PIK3C2G: variants seen among roughly 807,000 people sequenced by gnomAD.
PIK3C2G encodes phosphatidylinositol 3-kinase C2 domain-containing subunit gamma.
A neutral mutation model predicts 181.1 loss-of-function variants in PIK3C2G; 168 were observed. The observed-to-expected ratio is 0.93, with a 90% CI of 0.82 to 1.05. The LOEUF is 1.05. PIK3C2G is among the 50% of genes least tolerant of loss of function. The pLI, the probability that PIK3C2G is intolerant of heterozygous loss-of-function variation, is 0.00. For synonymous variants in PIK3C2G, 573 were observed against 592.2 expected (o/e 0.97, Z 0.47); for missense variants, 1,869 against 1,732.8 (o/e 1.08, Z -1.40).
chr12:18,467,933 G>A (rs1487137385), intron 18 of PIK3C2G, among the ~76,000 whole-genome samples: 1 of 151,858 alleles, frequency 6.6e-6, no homozygotes, highest in Non-Finnish European at 1.5e-5. Context: ...ATTTACATGT[G>A]GTTTTTGCTC....
intron 4 of PIK3C2G, among the ~76,000 whole-genome samples, chr12:18,291,872 C>G (rs1438139422): frequency 1.4e-5 from 2 of 147,134 alleles, no homozygotes; most frequent in Middle Eastern, 3.5e-3. Flanking sequence ...GAAAAGAAAC[C>G]AATTCCTGCT....
intron 12 of PIK3C2G, among the ~76,000 whole-genome samples, chr12:18,368,630 A>AAT (rs1941810127): frequency 1.3e-5 from 2 of 152,146 alleles, no homozygotes; most frequent in Admixed American, 6.5e-5. Flanking sequence ...ATTCGTCTTT[A>AAT]ATTCTTTATT....
intron 18 of PIK3C2G, among the ~76,000 whole-genome samples, chr12:18,452,418 C>T (rs910854542): frequency 6.6e-6 from 1 of 151,796 alleles, no homozygotes. Flanking sequence ...GTGGTGATAT[C>T]CCCTTTATCA....
intron 18 of PIK3C2G, among the ~76,000 whole-genome samples, chr12:18,428,222 G>A (rs928532512): frequency 6.6e-6 from 1 of 151,416 alleles, no homozygotes; most frequent in Non-Finnish European, 1.5e-5. Flanking sequence ...TATTTAGGGA[G>A]TGACTGCTTC....
At chr12:18,612,404 G>C (rs1310233906) in intron 31 of PIK3C2G, among the ~76,000 whole-genome samples, 5 of 152,050 alleles carry the variant, frequency 3.3e-5, no homozygotes, top group African/African-American at 1.2e-4. Context: ...CTGTGCCACT[G>C]CTATAACCCA....
intron 12 of PIK3C2G, among the ~76,000 whole-genome samples, chr12:18,370,526 C>T (rs1057283533): frequency 2.0e-5 from 3 of 152,192 alleles, no homozygotes; most frequent in African/African-American, 7.2e-5. Flanking sequence ...AAACTCTCTA[C>T]ACTTTGGCTG....
At chr12:18,667,921 G>A in the PIK3C2G span, among the ~76,000 whole-genome samples, 4 of 152,144 alleles carry the variant, frequency 2.6e-5, no homozygotes, top group African/African-American at 4.8e-5. Context: ...ACAAGGTGGA[G>A]AGTGAGACGG....
Position 18,563,314 on chromosome 12 carries a change from T to C in PIK3C2G, c.3781-63T>C, listed in dbSNP as rs562271703. On this transcript the variant is annotated intron_variant, in intron 27 of 32. Transcript: ENST00000538779. ...TTTGTTTGGTTTACATAAAATCGGG[T>C]TTTAGAGTGTATCACAGGCTGATAT... The C allele has an allele frequency of 3.4e-4, 504 of 1,495,204 alleles. 1 individual carries two copies. Among genetic ancestry groups the C allele is most frequent in the Non-Finnish European group, 4.4e-4 (481 of 1,102,772 alleles). The allele number at this position is 1,495,204 out of a possible 1,614,324, so 92.6% of individuals were successfully genotyped here. A position where few individuals can be genotyped will look rare whatever the true frequency, so the allele number is the denominator to read the frequency against.
upstream of PIK3C2G, among the ~76,000 whole-genome samples, chr12:18,243,473 A>C (rs958499671): frequency 6.6e-6 from 1 of 152,022 alleles, no homozygotes; most frequent in African/African-American, 2.4e-5. Flanking sequence ...ACCTGGCCCA[A>C]AGTACAATTC....
the PIK3C2G span, among the ~76,000 whole-genome samples, chr12:18,711,171 G>T: frequency 7.6e-3 from 1,149 of 151,696 alleles, 13 homozygotes; most frequent in African/African-American, 0.026. Context: ...TAAGAAAATG[G>T]GGAACATATA....
chr12:18,326,470 C>T (rs925296354), intron 8 of PIK3C2G, among the ~76,000 whole-genome samples: 1 of 152,092 alleles, frequency 6.6e-6, no homozygotes, highest in Non-Finnish European at 1.5e-5. Flanking sequence ...CTAAATATAT[C>T]TGAAAATAAT....
chr12:18,697,399 A>G, the PIK3C2G span, among the ~76,000 whole-genome samples: 3 of 152,088 alleles, frequency 2.0e-5, no homozygotes, highest in Non-Finnish European at 4.4e-5. Flanking sequence ...ATGCTCCCTT[A>G]TCTAGTCCTA....
At position 18,282,127 on chromosome 12, in the gene PIK3C2G, G is replaced by A. The variant is rs267603400; in HGVS notation, c.46G>A (p.Glu16Lys). The A allele has an allele frequency of 1.1e-5, 18 of 1,607,564 alleles. No individual in the cohort carries two copies. Among genetic ancestry groups the A allele is most frequent in the African/African-American group, 2.7e-5 (2 of 74,806 alleles). The change falls in exon 2 of 33, where the codon GAA (glutamate) becomes AAA (lysine). Residue 16 changes from glutamate to lysine, a missense_variant. Glu to Lys is a moderately conservative substitution (Grantham distance 56). Transcript: ENST00000538779. ...GGATCCAAATCCTAATGAATCACAC[G>A]AAAAGCAGTATGAACACCAAGAATT... is the stretch of plus-strand genomic sequence containing the variant. ...QTDPNPNESH[E>K]KQYEHQEFLF... is the part of the protein sequence containing the mutation.
At chr12:18,610,197 T>A (rs758458782) in intron 31 of PIK3C2G, among the ~76,000 whole-genome samples, 1 of 151,926 alleles carries the variant, frequency 6.6e-6, no homozygotes, top group Non-Finnish European at 1.5e-5. Context: ...ATGACCCGAG[T>A]TGGGGTGCAG....
At chr12:18,604,399 T>C (rs7971873) in intron 30 of PIK3C2G, among the ~76,000 whole-genome samples, 4,293 of 152,082 alleles carry the variant, frequency 0.028, 214 homozygotes, top group African/African-American at 0.098. Flanking sequence ...TATAAAACAA[T>C]TACTAAAAGA....
At chr12:18,372,895 T>C (rs1942167460) in intron 13 of PIK3C2G, among the ~76,000 whole-genome samples, 1 of 152,184 alleles carries the variant, frequency 6.6e-6, no homozygotes, top group South Asian at 2.1e-4. Flanking sequence ...TTGTGAGAGA[T>C]GGCATCTGGG....
chr12:18,346,563 C>T (rs897823897), intron 10 of PIK3C2G, 78 bp from the exon 11 acceptor site: 26 of 770,044 alleles, frequency 3.4e-5, no homozygotes, highest in South Asian at 2.8e-4. Context: ...TATTATATGA[C>T]ATTTCAAAGC....
At chr12:18,400,740 A>G (rs1944205496) in intron 16 of PIK3C2G, among the ~76,000 whole-genome samples, 1 of 152,086 alleles carries the variant, frequency 6.6e-6, no homozygotes, top group Non-Finnish European at 1.5e-5. Context: ...TGTAAGAGTT[A>G]CTAGCTTCTC....
rs73342966 is a variant in PIK3C2G at position 18,497,171 on chromosome 12, T to C, written c.2887-448T>C. ...TAATCAATCATATGGATGCTATTTA[T>C]ACTCCCAGTCAAGAAGCTCTTGGTA... On this transcript the variant is annotated intron_variant, in intron 21 of 32. Transcript: ENST00000538779. Among the ~76,000 whole-genome samples the C allele has an allele frequency of 7.9e-3, 1,210 of 152,276 alleles. 14 individuals are homozygous for C. The highest frequency in any genetic ancestry group is 0.027 in the African/African-American group (1,143 of 41,564).
Sources: allele counts gnomAD v4.1 joint callset (sites outside exome capture counted in the v4.1 genomes callset), GRCh38; gene constraint gnomAD v4.1.1; transcripts MANE v1.5; gene names NCBI Gene and HGNC (gene_info 2026-07-23, HGNC 2026-07-21).